Variants in PPP3CA observed in about 807,000 individuals in gnomAD.
PPP3CA encodes CAM-PRP catalytic subunit.
Under a neutral mutation model 66.5 loss-of-function variants are expected in PPP3CA, and 14 were observed. The observed-to-expected ratio is 0.21, with a 90% CI of 0.14 to 0.33. The LOEUF is 0.33. Ranked by LOEUF, PPP3CA falls within the 10% of genes least tolerant of loss-of-function variation. The probability of loss-of-function intolerance (pLI) is 1.00; values close to 1 mark genes in which losing one functional copy is unlikely to be tolerated. For missense variants in PPP3CA, 317 were observed against 639.5 expected (o/e 0.50, Z 5.44); for synonymous variants, 232 against 226.2 (o/e 1.03, Z -0.23).
At chr4:101,290,860 T>C (rs992155317) in intron 1 of PPP3CA, among the ~76,000 whole-genome samples, 1 of 152,082 alleles carries the variant, frequency 6.6e-6, no homozygotes, top group Non-Finnish European at 1.5e-5. Flanking sequence ...ATAACCCAAC[T>C]CCCTGGATAC....
At chr4:101,320,455 T>G (rs1456221424) in intron 1 of PPP3CA, among the ~76,000 whole-genome samples, 1 of 132,596 alleles carries the variant, frequency 7.5e-6, no homozygotes, top group Admixed American at 7.4e-5. Flanking sequence ...ACCACTCATA[T>G]GTATGTATGT....
chr4:101,076,901 A>AT (rs1351123134), intron 8 of PPP3CA, among the ~76,000 whole-genome samples: 2 of 152,160 alleles, frequency 1.3e-5, no homozygotes, highest in Admixed American at 6.5e-5. Flanking sequence ...ACAAACGAAC[A>AT]TTTTTTCTCA....
chr4:101,071,459 C>G (rs1728914079), intron 8 of PPP3CA, among the ~76,000 whole-genome samples: 1 of 152,158 alleles, frequency 6.6e-6, no homozygotes. Flanking sequence ...CCCATTAATT[C>G]AAGTTTTTAA....
intron 1 of PPP3CA, among the ~76,000 whole-genome samples, chr4:101,282,879 TC>T (rs560083159): frequency 2.6e-4 from 39 of 152,298 alleles, no homozygotes; most frequent in African/African-American, 9.1e-4. Context: ...TAATTTGAAA[TC>T]TAACTTTGAT....
intron 8 of PPP3CA, among the ~76,000 whole-genome samples, chr4:101,080,018 T>C (rs1396799093): frequency 1.3e-5 from 2 of 152,220 alleles, no homozygotes; most frequent in Non-Finnish European, 2.9e-5. Flanking sequence ...TAGCTAATAA[T>C]ATTTACCTTG....
chr4:101,199,766 A>C (rs1270413113), intron 1 of PPP3CA, among the ~76,000 whole-genome samples: 3 of 152,168 alleles, frequency 2.0e-5, no homozygotes, highest in African/African-American at 7.2e-5. Context: ...AGGGTCAATG[A>C]CATGAAATTG....
chr4:101,080,252 C>A (rs974706244), intron 8 of PPP3CA, among the ~76,000 whole-genome samples: 2 of 151,940 alleles, frequency 1.3e-5, no homozygotes, highest in Non-Finnish European at 2.9e-5. Flanking sequence ...ATTATTATTT[C>A]TTTTAAAGTC....
rs565942044 is a variant in PPP3CA at position 101,025,074 on chromosome 4, T to G, written c.*791A>C. The G allele has an allele frequency of 1.3e-5, 2 of 152,374 alleles. No homozygotes were observed. Among genetic ancestry groups the G allele is most frequent in the Admixed American group, 1.3e-4 (2 of 15,254 alleles). 9.4% of individuals were successfully genotyped at this position (152,374 alleles called of 1,614,324 possible). A position where few individuals can be genotyped will look rare whatever the true frequency, so the allele number is the denominator to read the frequency against. ...AAGCCACAACCAAGACTTGATTTTA[T>G]CAACAAAAACCCCTAAATATAAACG... is the stretch of plus-strand genomic sequence containing the variant. On this transcript the variant is annotated 3_prime_UTR_variant, in exon 14 of 14. Coordinates refer to ENST00000394854, the MANE Select transcript of PPP3CA (RefSeq NM_000944.5).
intron 1 of PPP3CA, among the ~76,000 whole-genome samples, chr4:101,248,149 GTTTTACTACA>G: frequency 2.0e-5 from 3 of 152,268 alleles, no homozygotes; most frequent in African/African-American, 7.2e-5. Context: ...CTTCCAAAAA[GTTTTACTACA>G]TGACCAATAC....
chr4:101,089,097 T>C (rs1729798781), intron 6 of PPP3CA, among the ~76,000 whole-genome samples: 2 of 151,984 alleles, frequency 1.3e-5, no homozygotes, highest in African/African-American at 2.4e-5. Context: ...CAACTAGACA[T>C]ACAGGAATTG....
chr4:101,091,472 T>C (rs1284048647), intron 6 of PPP3CA, among the ~76,000 whole-genome samples: 1 of 152,112 alleles, frequency 6.6e-6, no homozygotes, highest in African/African-American at 2.4e-5. Flanking sequence ...AAAATAAATA[T>C]GCTTAGAACA....
intron 1 of PPP3CA, among the ~76,000 whole-genome samples, chr4:101,265,212 G>A (rs777734354): frequency 6.6e-6 from 1 of 152,114 alleles, no homozygotes; most frequent in Non-Finnish European, 1.5e-5. Flanking sequence ...GACCTCCTGG[G>A]CTTAAGCGAT....
intron 2 of PPP3CA, among the ~76,000 whole-genome samples, chr4:101,182,458 G>A (rs1025505708): frequency 6.6e-6 from 1 of 152,192 alleles, no homozygotes; most frequent in South Asian, 2.1e-4. Flanking sequence ...CAGAGTTCAC[G>A]ATGGTGGGGA....
intron 10 of PPP3CA, 83 bp downstream of exon 10, chr4:101,061,004 A>T (rs1728438242): frequency 8.6e-7 from 1 of 1,157,486 alleles, no homozygotes. Context: ...TCCAAATCTT[A>T]GAAATTTATT....
At chr4:101,189,832 C>T (rs1405048845) in intron 2 of PPP3CA, among the ~76,000 whole-genome samples, 3 of 151,824 alleles carry the variant, frequency 2.0e-5, no homozygotes, top group Non-Finnish European at 4.4e-5. Context: ...AGCATGTTCG[C>T]TAAAATGAAA....
At chr4:101,208,928 A>C (rs1304015318) in intron 1 of PPP3CA, among the ~76,000 whole-genome samples, 1 of 152,194 alleles carries the variant, frequency 6.6e-6, no homozygotes, top group Non-Finnish European at 1.5e-5. Flanking sequence ...GGGTACATGC[A>C]TTCATTACAT....
chr4:101,054,640 G>T (rs965440468), intron 10 of PPP3CA, among the ~76,000 whole-genome samples: 1 of 152,070 alleles, frequency 6.6e-6, no homozygotes, highest in Non-Finnish European at 1.5e-5. Context: ...CTGTACAACT[G>T]TTAACAGCTA....
intron 1 of PPP3CA, among the ~76,000 whole-genome samples, chr4:101,246,735 A>G (rs1484411681): frequency 6.6e-6 from 1 of 152,150 alleles, no homozygotes; most frequent in Non-Finnish European, 1.5e-5. Flanking sequence ...CTGTGTATAT[A>G]TGCATATATA....
chr4:101,093,928 G>A lies in PPP3CA; in HGVS notation c.643-13C>T, dbSNP rs771666991. 6.3e-7 allele frequency: 1 copy of A among 1,592,340 alleles called. No individual in the cohort carries two copies. Among genetic ancestry groups the A allele is most frequent in the East Asian group, 2.2e-5 (1 of 44,554 alleles). On this transcript the variant is annotated splice_polypyrimidine_tract_variant and intron_variant, in intron 5 of 13. Transcript: ENST00000394854. ...TGAATCGGTCTAACTAAGAAAAATA[G>A]AAGACAGAGAGCAAAATACTAATCT...
Sources: gnomAD v4.1 joint callset for allele counts (sites outside exome capture counted in the v4.1 genomes callset) on GRCh38, gnomAD v4.1.1 for gene constraint, MANE v1.5 for transcripts, NCBI Gene and HGNC (gene_info 2026-07-23, HGNC 2026-07-21) for gene names.